Variants in USP6NL observed in about 807,000 individuals in gnomAD.
USP6NL encodes USP6 N-terminal like, also known as USP6 N-terminal-like protein.
Under a neutral mutation model 61.9 loss-of-function variants are expected in USP6NL, and 26 were observed. That is an observed-to-expected ratio of 0.42 (90% CI 0.31 to 0.58). The LOEUF (loss-of-function observed/expected upper bound fraction) is 0.58, where lower values mean the gene tolerates loss of function less well. Among genes scored for constraint, USP6NL ranks in the 20% least tolerant of loss-of-function variants. USP6NL has a pLI of 0.16. For missense variants in USP6NL, 1,114 were observed against 1,034.3 expected (o/e 1.08, Z -1.06); for synonymous variants, 432 against 390.1 (o/e 1.11, Z -1.27).
Position 11,489,194 on chromosome 10 carries a change from T to C in USP6NL, c.572A>G (p.Gln191Arg). The C allele has an allele frequency of 4.3e-6, 7 of 1,613,938 alleles. No individual in the cohort carries two copies. The highest frequency in any genetic ancestry group is 5.9e-6 in the Non-Finnish European group (7 of 1,179,832). Reference protein sequence around the residue: ...TEVGYCQGMSQITALLLMYMN... With the variant: ...TEVGYCQGMSRITALLLMYMN... ...ATACATGAGGAGTAAAGCTGTGATCTGGCTCATCCCCTGACAATACCCGAC... is the reference window on the plus strand; with the variant it reads ...ATACATGAGGAGTAAAGCTGTGATCCGGCTCATCCCCTGACAATACCCGAC... Residue 191 changes from glutamine to arginine, a missense_variant, in exon 10 of 15, where the codon CAG becomes CGG. Gln to Arg is a conservative substitution (Grantham distance 43, BLOSUM62 1). Transcript: ENST00000609104. The surrounding 1 kb of genome is among the most constrained non-coding windows in gnomAD (Gnocchi z 5.7).
chr10:11,466,335 C>T (rs971698250), intron 14 of USP6NL, among the ~76,000 whole-genome samples: 9 of 152,148 alleles, frequency 5.9e-5, no homozygotes, highest in African/African-American at 2.2e-4. Flanking sequence ...AGCTATCTGG[C>T]GGTCACACTG....
At chr10:11,549,498 G>T (rs1836409550) in intron 2 of USP6NL, among the ~76,000 whole-genome samples, 1 of 151,958 alleles carries the variant, frequency 6.6e-6, no homozygotes, top group Non-Finnish European at 1.5e-5. Context: ...ACTCCCTATT[G>T]GTGATAAGCC....
chr10:11,601,445 C>T (rs1052670644), intron 1 of USP6NL, among the ~76,000 whole-genome samples: 2 of 152,126 alleles, frequency 1.3e-5, no homozygotes, highest in African/African-American at 2.4e-5. Flanking sequence ...CAGGAGGGTA[C>T]TGGGAATGTT....
rs141133905 is a variant in USP6NL at position 11,510,512 on chromosome 10, G to A, written c.196-837C>T. On this transcript the variant is annotated intron_variant, in intron 5 of 14. Coordinates refer to ENST00000609104, the MANE Select transcript of USP6NL (RefSeq NM_014688.5). The surrounding 1 kb of genome is among the most constrained non-coding windows in gnomAD (Gnocchi z 4.8). ...GCCAAAGTTGGGAGAAGTCTCTTGCGTGCCCACTCAAGTGAAATTCAGGGG... is the reference window on the plus strand; with the variant it reads ...GCCAAAGTTGGGAGAAGTCTCTTGCATGCCCACTCAAGTGAAATTCAGGGG... Among the ~76,000 whole-genome samples, 141 of 152,244 alleles carry A rather than the reference G, an allele frequency of 9.3e-4. 3 individuals are homozygous for A. The East Asian group carries it at 0.026, about 28-fold the overall frequency.
chr10:11,462,987 AG>A lies in USP6NL; in HGVS notation c.1940del (p.Pro647LeufsTer18). ...GAGAAGCAAAGCTGCTGTTGGCAGTAGGGAAGTGTTTGGGAGAGTTTCCGTG... is the reference window on the plus strand; with the variant it reads ...GAGAAGCAAAGCTGCTGTTGGCAGTAGGAAGTGTTTGGGAGAGTTTCCGTG... ...VYHGNSPKHFPTANSSFASPQ... is the reference protein window; with the variant it reads ...VYHGNSPKHFXTANSSFASPQ... On this transcript the variant is annotated frameshift_variant, in exon 15 of 15. Transcript: ENST00000609104. LOFTEE classifies it low-confidence loss of function (END_TRUNC). The A allele has an allele frequency of 1.2e-6, 2 of 1,613,876 alleles. No individual in the cohort carries two copies. The highest frequency in any genetic ancestry group is 1.7e-6 in the Non-Finnish European group (2 of 1,179,840).
rs1833689992 is a variant in USP6NL, at chr10:11,490,960, A to G, written c.495-80T>C. On this transcript the variant is annotated intron_variant, in intron 8 of 14. Transcript: ENST00000609104. The surrounding 1 kb of genome is among the most constrained non-coding windows in gnomAD (Gnocchi z 4.5). ...ATTACAAACTTAAAAAAATAAACCA[A>G]AGACTGACTGAAAACAGATAATCCA... 2 of 1,237,298 alleles carry G rather than the reference A, an allele frequency of 1.6e-6. No individual in the cohort carries two copies. The highest frequency in any genetic ancestry group is 2.7e-5 in the Admixed American group (1 of 36,368). 76.6% of individuals were successfully genotyped at this position (1,237,298 alleles called of 1,614,324 possible).
Position 11,490,778 on chromosome 10 carries a change from G to A in USP6NL, c.543+54C>T. ...TGTGCCCACAGGGCCCTGCTAAGTA[G>A]GGAGTACCTCAGAATACAACTCAAA... On this transcript the variant is annotated intron_variant, in intron 9 of 14. Coordinates refer to ENST00000609104, the MANE Select transcript of USP6NL (RefSeq NM_014688.5). The surrounding 1 kb of genome is among the most constrained non-coding windows in gnomAD (Gnocchi z 4.5). 2.0e-6 allele frequency: 3 copies of A among 1,515,202 alleles called. No individual in the cohort carries two copies. The highest frequency in any genetic ancestry group is 2.5e-5 in the South Asian group (2 of 80,454). 93.9% of individuals were successfully genotyped at this position (1,515,202 alleles called of 1,614,324 possible).
chr10:11,519,363 C>T (rs1835106824), intron 4 of USP6NL, among the ~76,000 whole-genome samples: 1 of 152,250 alleles, frequency 6.6e-6, no homozygotes, highest in Non-Finnish European at 1.5e-5. Context: ...GGTGCGGTGG[C>T]TCACGCCTGT....
rs1158179618 is a variant in USP6NL, at chr10:11,470,285, A to C, written c.1079-6436T>G. Among the ~76,000 whole-genome samples the C allele has an allele frequency of 6.6e-6, 1 of 152,094 alleles. No individual in the cohort carries two copies. Among genetic ancestry groups the C allele is most frequent in the African/African-American group, 2.4e-5 (1 of 41,418 alleles). On this transcript the variant is annotated intron_variant, in intron 14 of 14. Coordinates refer to ENST00000609104, the MANE Select transcript of USP6NL (RefSeq NM_014688.5). The surrounding 1 kb of genome is among the most constrained non-coding windows in gnomAD (Gnocchi z 5.4). ...GGAACCTCATGGAGGGCCCGCGGGG[A>C]CTCGCTGGCTTTTCACAGCCTCTGT...
rs1187928645 is a variant in USP6NL at position 11,499,039 on chromosome 10, C to T, written c.384+2062G>A. Among the ~76,000 whole-genome samples, 1 of 152,166 alleles carries T rather than the reference C, an allele frequency of 6.6e-6. No homozygotes were observed. Among genetic ancestry groups the T allele is most frequent in the African/African-American group, 2.4e-5 (1 of 41,438 alleles). ...GGACAAGAAAGGACAAACAGGCCAC[C>T]AGGGGAACTTGAAGGACTGAATGCT... On this transcript the variant is annotated intron_variant, in intron 7 of 14. Transcript: ENST00000609104. This position sits in a 1 kb window ranked among gnomAD's most constrained non-coding sequence, Gnocchi z 4.5.
chr10:11,572,883 T>A (rs1837412596), intron 2 of USP6NL, among the ~76,000 whole-genome samples: 1 of 152,154 alleles, frequency 6.6e-6, no homozygotes, highest in Non-Finnish European at 1.5e-5. Context: ...TTTAGAATTG[T>A]ACTATTTTAA....
In USP6NL at chr10:11,481,488, G is replaced by A. The variant is rs1208009184; in HGVS notation, c.1078+282C>T. Among the ~76,000 whole-genome samples the A allele has an allele frequency of 6.6e-6, 1 of 152,184 alleles. No homozygotes were observed. Among genetic ancestry groups the A allele is most frequent in the Non-Finnish European group, 1.5e-5 (1 of 68,030 alleles). ...TTGTTATGCTCGTTTAAAGCACCAT[G>A]GCTACTTCTGTTGAACAACAGTATT... On this transcript the variant is annotated intron_variant, in intron 14 of 14. Coordinates refer to ENST00000609104, the MANE Select transcript of USP6NL (RefSeq NM_014688.5). This position sits in a 1 kb window ranked among gnomAD's most constrained non-coding sequence, Gnocchi z 4.4.
At chr10:11,488,175 G>A (rs1289681683) in intron 10 of USP6NL, among the ~76,000 whole-genome samples, 1 of 152,140 alleles carries the variant, frequency 6.6e-6, no homozygotes, top group Non-Finnish European at 1.5e-5. Flanking sequence ...ATTTTGGGAG[G>A]CTGAGGCGGG....
In USP6NL at chr10:11,596,572, G is replaced by A. The variant is rs572677131; in HGVS notation, c.4+1059C>T. ...CCAGGAGGTGGAGCTTGCAGTGAGC[G>A]GAGATGGTGCCACTGCACTGCAGCC... is the stretch of plus-strand genomic sequence containing the variant. On this transcript the variant is annotated intron_variant, in intron 2 of 14. Transcript: ENST00000609104. This position sits in a 1 kb window ranked among gnomAD's most constrained non-coding sequence, Gnocchi z 4.1. 3.7e-3 allele frequency among the ~76,000 whole-genome samples: 556 copies of A among 151,720 alleles called. 5 individuals are homozygous for A. Among genetic ancestry groups the A allele is most frequent in the African/African-American group, 0.012 (493 of 41,320 alleles).
Position 11,461,050 on chromosome 10 carries a change from G to C in USP6NL, c.*1391C>G, listed in dbSNP as rs1383626199. ...AAAGACATACTTTTGTACCTTGAAA[G>C]TTTAAAGCCCCACCTTGCAACAGGA... On this transcript the variant is annotated 3_prime_UTR_variant, in exon 15 of 15. Transcript: ENST00000609104. The C allele has an allele frequency of 6.6e-6, 1 of 152,286 alleles. No individual in the cohort carries two copies. Among genetic ancestry groups the C allele is most frequent in the Non-Finnish European group, 1.5e-5 (1 of 68,002 alleles). 9.4% of individuals were successfully genotyped at this position (152,286 alleles called of 1,614,324 possible).
In USP6NL at chr10:11,493,212, GCT is replaced by G; in HGVS notation, c.399_400del (p.Arg133SerfsTer7). 1 of 1,609,952 alleles carries G rather than the reference GCT, an allele frequency of 6.2e-7. No individual in the cohort carries two copies. Among genetic ancestry groups the G allele is most frequent in the Non-Finnish European group, 8.5e-7 (1 of 1,177,940 alleles). On this transcript the variant is annotated frameshift_variant, in exon 8 of 15. Coordinates refer to ENST00000609104, the MANE Select transcript of USP6NL (RefSeq NM_014688.5). LOFTEE classifies it high-confidence loss of function. ...TCTGATGTCAGGTGAACAGCCCCGT[GCT>G]CTGTGTTTTAATTTCTGAAGAGAGA...
At chr10:11,593,158 C>T (rs114515624) in intron 2 of USP6NL, among the ~76,000 whole-genome samples, 30 of 152,282 alleles carry the variant, frequency 2.0e-4, no homozygotes, top group African/African-American at 6.7e-4. Flanking sequence ...AAATCTATCA[C>T]GTAATTAGTT....
rs1837939353 is a variant in USP6NL, at chr10:11,585,715, A to G, written c.4+11916T>C. ...ATAAAAATTTAAAAAGGTGGAAGCA[A>G]CCCAAGTGTCCACTGACAGAAGAAT... On this transcript the variant is annotated intron_variant, in intron 2 of 14. Coordinates refer to ENST00000609104, the MANE Select transcript of USP6NL (RefSeq NM_014688.5). The surrounding 1 kb of genome is among the most constrained non-coding windows in gnomAD (Gnocchi z 4.5). Among the ~76,000 whole-genome samples, 1 of 152,218 alleles carries G rather than the reference A, an allele frequency of 6.6e-6. No individual in the cohort carries two copies. Among genetic ancestry groups the G allele is most frequent in the Non-Finnish European group, 1.5e-5 (1 of 68,036 alleles).
In USP6NL at chr10:11,532,274, G is replaced by C; in HGVS notation, c.5-4707C>G. 2 of 1,543,374 alleles carry C rather than the reference G, an allele frequency of 1.3e-6. No individual in the cohort carries two copies. The highest frequency in any genetic ancestry group is 1.8e-6 in the Non-Finnish European group (2 of 1,141,074). ...TCCAAGATTTCATTATTATTTTATA[G>C]TTCTCGAACACACCAAGAGTGCTGC... is the stretch of plus-strand genomic sequence containing the variant. On this transcript the variant is annotated intron_variant, in intron 2 of 14. Coordinates refer to ENST00000609104, the MANE Select transcript of USP6NL (RefSeq NM_014688.5). The surrounding 1 kb of genome is among the most constrained non-coding windows in gnomAD (Gnocchi z 4.1).
Sources: gnomAD v4.1 joint callset for allele counts (sites outside exome capture counted in the v4.1 genomes callset) on GRCh38, gnomAD v4.1.1 for gene constraint, Gnocchi (gnomAD v3.1) non-coding constraint, MANE v1.5 for transcripts, NCBI Gene and HGNC (gene_info 2026-07-23, HGNC 2026-07-21) for gene names.